Variants in NCOA2 observed in about 807,000 individuals in gnomAD.
NCOA2 encodes the protein nuclear receptor coactivator 2.
A neutral mutation model predicts 145.1 loss-of-function variants in NCOA2; 21 were observed. The observed-to-expected ratio is 0.14, with a 90% confidence interval of 0.10 to 0.21. The LOEUF (loss-of-function observed/expected upper bound fraction) is 0.21, where lower values mean the gene tolerates loss of function less well. Ranked by LOEUF, NCOA2 falls within the 10% of genes least tolerant of loss-of-function variation. The pLI is 1.00. For synonymous variants in NCOA2, 619 were observed against 637.5 expected, an observed-to-expected ratio of 0.97 and a Z score of 0.44; for missense variants, 1,472 against 1,837.6, an observed-to-expected ratio of 0.80 and a Z score of 3.64.
Position 70,126,251 on chromosome 8 carries a change from A to G in NCOA2, c.3916+562T>C, listed in dbSNP as rs1808399711. On this transcript the variant is annotated intron_variant, in intron 19 of 22. Transcript: ENST00000452400. ...ACACACTTGGTATCTCTTAAGACTG[A>G]CATTAAACAACAAATCAATATGAAG... Among the ~76,000 whole-genome samples the G allele has an allele frequency of 2.6e-5, 4 of 152,238 alleles. No individual in the cohort carries two copies. In the South Asian group the frequency reaches 6.2e-4, roughly 24 times the overall value.
At chr8:70,325,862 TTCA>T (rs1273281376) in intron 1 of NCOA2, among the ~76,000 whole-genome samples, 1 of 152,148 alleles carries the variant, frequency 6.6e-6, no homozygotes, top group African/African-American at 2.4e-5. Flanking sequence ...TGGCCAAAGC[TTCA>T]TCATCTCTAA....
intron 2 of NCOA2, among the ~76,000 whole-genome samples, chr8:70,288,895 TC>T (rs1473498669): frequency 6.6e-6 from 1 of 152,200 alleles, no homozygotes; most frequent in South Asian, 2.1e-4. Flanking sequence ...CAATTAAACA[TC>T]TAACCTCTAT....
At chr8:70,421,760 TAA>T in the NCOA2 span, among the ~76,000 whole-genome samples, 2 of 140,764 alleles carry the variant, frequency 1.4e-5, no homozygotes, top group Non-Finnish European at 1.6e-5. Flanking sequence ...GGGCTTTTGG[TAA>T]AAAAAAAAAA....
intron 1 of NCOA2, among the ~76,000 whole-genome samples, chr8:70,348,124 T>C (rs1025670108): frequency 6.6e-6 from 1 of 152,164 alleles, no homozygotes; most frequent in African/African-American, 2.4e-5. Flanking sequence ...CAAAGTGAGG[T>C]AGGTGCCCTA....
At position 70,182,322 on chromosome 8, in the gene NCOA2, C is replaced by G. The variant is rs141920440; in HGVS notation, c.260-7463G>C. On this transcript the variant is annotated intron_variant, in intron 4 of 22. Transcript: ENST00000452400. ...TGAAGAAATAGCAAAATTAACCAAT[C>G]TGAAGGCCATCTCCACCCAGCAAAA... is the stretch of plus-strand genomic sequence containing the variant. 3.2e-3 allele frequency among the ~76,000 whole-genome samples: 482 copies of G among 152,304 alleles called. 1 individual carries two copies. Among genetic ancestry groups the G allele is most frequent in the Non-Finnish European group, 5.6e-3 (383 of 68,028 alleles).
At chr8:70,115,476 C>T (rs2979639) in intron 22 of NCOA2, among the ~76,000 whole-genome samples, 151,232 of 152,344 alleles carry the variant, frequency 0.99, 75,064 homozygotes, top group Middle Eastern at 1. Context: ...GGGTCCATTA[C>T]GTACCTAATA....
intron 1 of NCOA2, among the ~76,000 whole-genome samples, chr8:70,352,832 A>C (rs576419024): frequency 1.1e-4 from 16 of 152,288 alleles, no homozygotes; most frequent in Middle Eastern, 3.4e-3. Context: ...CCAATTTGCC[A>C]AACATTGTCC....
intron 2 of NCOA2, among the ~76,000 whole-genome samples, chr8:70,270,572 G>A (rs1824970166): frequency 6.6e-6 from 1 of 151,584 alleles, no homozygotes. Context: ...GCTGGCGGGG[G>A]TGGGGGGATA....
intron 1 of NCOA2, among the ~76,000 whole-genome samples, chr8:70,302,048 C>A (rs7015784): frequency 6.6e-6 from 1 of 151,796 alleles, no homozygotes; most frequent in Admixed American, 6.6e-5. Flanking sequence ...CTCTCAAACA[C>A]AAAAAACACC....
At chr8:70,186,941 A>C (rs1586010460) in intron 4 of NCOA2, among the ~76,000 whole-genome samples, 2 of 152,266 alleles carry the variant, frequency 1.3e-5, no homozygotes, top group South Asian at 4.1e-4. Context: ...TTTCATAATG[A>C]CAACAGGAAG....
intron 2 of NCOA2, among the ~76,000 whole-genome samples, chr8:70,286,441 AAAGT>A (rs1489486633): frequency 6.6e-6 from 1 of 152,224 alleles, no homozygotes; most frequent in African/African-American, 2.4e-5. Context: ...CCCTTGCTAG[AAAGT>A]AAATGAAACA....
At chr8:70,143,407 C>A (rs1810680794) in intron 13 of NCOA2, among the ~76,000 whole-genome samples, 1 of 152,110 alleles carries the variant, frequency 6.6e-6, no homozygotes, top group Non-Finnish European at 1.5e-5. Flanking sequence ...TGCTGGTAAG[C>A]CTTAATAAAT....
At chr8:70,122,294 G>A (rs1051745630) in intron 21 of NCOA2, among the ~76,000 whole-genome samples, 2 of 152,180 alleles carry the variant, frequency 1.3e-5, no homozygotes, top group South Asian at 4.1e-4. Context: ...CTGTTACCCA[G>A]GCTGGAGTGC....
rs1253076555 is a variant in NCOA2, at chr8:70,174,813, T to C, written c.306A>G (p.Val102=). The part of the protein sequence containing the change: ...ANIDEVQKSD[V]SSTGQGVIDK... The stretch of plus-strand genomic sequence containing the variant: ...CGATGACACCCTGCCCTGTAGAGGA[T>C]ACATCTGACTTCTGCACTTCATCTA... The change falls in exon 5 of 23, where the codon GTA becomes GTG. Residue 102 remains valine (V), a synonymous_variant. Transcript: ENST00000452400. The C allele has an allele frequency of 6.2e-7, 1 of 1,613,768 alleles. No individual in the cohort carries two copies.
the NCOA2 span, among the ~76,000 whole-genome samples, chr8:70,437,222 G>A: frequency 8.5e-3 from 1,296 of 152,256 alleles, 19 homozygotes; most frequent in African/African-American, 0.029. Flanking sequence ...TCAGACCCCA[G>A]CCCAAGTGCC....
At chr8:70,191,434 G>A (rs966485566) in intron 4 of NCOA2, among the ~76,000 whole-genome samples, 2 of 152,170 alleles carry the variant, frequency 1.3e-5, no homozygotes, top group Non-Finnish European at 2.9e-5. Context: ...TCCTCAAGCT[G>A]CACACATAGC....
chr8:70,265,286 C>T (rs1425710520), intron 2 of NCOA2, among the ~76,000 whole-genome samples: 1 of 152,142 alleles, frequency 6.6e-6, no homozygotes, highest in Non-Finnish European at 1.5e-5. Context: ...AGAAGGCCAC[C>T]ATGTGTAAGA....
chr8:70,425,902 C>T, the NCOA2 span, among the ~76,000 whole-genome samples: 19 of 152,104 alleles, frequency 1.2e-4, no homozygotes, highest in African/African-American at 9.7e-5. Context: ...TCTGGGTCCA[C>T]GACTCATTTG....
chr8:70,419,013 G>T, the NCOA2 span, among the ~76,000 whole-genome samples: 1 of 151,800 alleles, frequency 6.6e-6, no homozygotes, highest in East Asian at 1.9e-4. Context: ...GTGTATAATG[G>T]GTTGTCAGTG....
Sources: allele counts gnomAD v4.1 joint callset (sites outside exome capture counted in the v4.1 genomes callset), GRCh38; gene constraint gnomAD v4.1.1; transcripts MANE v1.5; gene names NCBI Gene and HGNC (gene_info 2026-07-23, HGNC 2026-07-21).